PSEN2: variants seen among roughly 807,000 people sequenced by gnomAD.
PSEN2 encodes the protein presenilin 2.
In PSEN2, 32 loss-of-function variants were observed where a neutral mutation model predicts 49.1. The ratio of observed to expected loss-of-function variants is 0.65; its 90% confidence interval spans 0.49 to 0.88. The LOEUF is 0.88. Among genes scored for constraint, PSEN2 ranks in the 40% least tolerant of loss-of-function variants. The pLI, the probability that PSEN2 is intolerant of heterozygous loss-of-function variation, is 0.00. For synonymous variants in PSEN2, 255 were observed against 244.0 expected (o/e 1.05, Z -0.42); for missense variants, 522 against 586.9 (o/e 0.89, Z 1.14).
chr1:226,879,343 GTCTGAGGGTAC>G (rs1660832223), intron 3 of PSEN2, among the ~76,000 whole-genome samples: 1 of 152,208 alleles, frequency 6.6e-6, no homozygotes, highest in South Asian at 2.1e-4. Context: ...CTGGGGCCTA[GTCTGAGGGTAC>G]TCTGAGTGAA....
intron 12 of PSEN2, among the ~76,000 whole-genome samples, chr1:226,903,095 GT>G (rs1193117335): frequency 1.3e-5 from 2 of 150,776 alleles, no homozygotes; most frequent in African/African-American, 5.0e-5. Context: ...AAAACACTGA[GT>G]TTTTTTCTTT....
chr1:226,888,983 C>G lies in PSEN2; in HGVS notation c.721C>G (p.Leu241Val). ...CATCATGATCAGTGCGCTCATGGCC[C>G]TAGTGTTCATCAAGTACCTCCCAGA... ...YLIMISALMA[L>V]VFIKYLPEWS... The change falls in exon 8 of 13, where the codon CTA (leucine) becomes GTA (valine). Residue 241 changes from leucine (L) to valine (V), a missense_variant. Transcript: ENST00000366783. 1 of 1,614,176 alleles carries G rather than the reference C, an allele frequency of 6.2e-7. No homozygotes were observed. Among genetic ancestry groups the G allele is most frequent in the South Asian group, 1.1e-5 (1 of 91,082 alleles).
rs1800680 is a variant in PSEN2, at chr1:226,888,283, G to A, written c.566+125G>A. 125,869 of 891,880 alleles carry A rather than the reference G, an allele frequency of 0.14. 10,728 individuals carry two copies. Among genetic ancestry groups the A allele is most frequent in the Non-Finnish European group, 0.17 (93,094 of 547,876 alleles). The allele number at this position is 891,880 out of a possible 1,614,324, so 55.2% of individuals were successfully genotyped here. A position where few individuals can be genotyped will look rare whatever the true frequency, so the allele number is the denominator to read the frequency against. On this transcript the variant is annotated intron_variant, in intron 7 of 12. Transcript: ENST00000366783. ...GCTCCAGTCTTCCCCAGTGCCAGCC[G>A]TTTTGGGAACCCAGGCCTCCGTCGC...
chr1:226,902,616 G>A (rs1005657875), intron 12 of PSEN2, among the ~76,000 whole-genome samples: 9 of 152,254 alleles, frequency 5.9e-5, no homozygotes, highest in Non-Finnish European at 1.3e-4. Flanking sequence ...CAAGACAGAA[G>A]TTTCCCACCA....
Position 226,883,852 on chromosome 1 carries a change from CTG to C in PSEN2, c.292_293del (p.Cys98HisfsTer28). The C allele has an allele frequency of 6.2e-7, 1 of 1,613,666 alleles. No homozygotes were observed. Among genetic ancestry groups the C allele is most frequent in the South Asian group, 1.1e-5 (1 of 91,062 alleles). On this transcript the variant is annotated frameshift_variant, in exon 5 of 13. Transcript: ENST00000366783. LOFTEE classifies it high-confidence loss of function. Reference sequence around the variant, plus strand: ...GATCATGCTGTTTGTGCCTGTCACTCTGTGCATGATCGTGGTGGTAGCCACCA... The same window carrying C: ...GATCATGCTGTTTGTGCCTGTCACTCTGCATGATCGTGGTGGTAGCCACCA... ...HVIMLFVPVT[L>X]CMIVVVATIK... is the part of the protein sequence containing the mutation.
chr1:226,871,028 G>A (rs1279724303), intron 1 of PSEN2: 1 of 152,304 alleles, frequency 6.6e-6, no homozygotes, highest in Non-Finnish European at 1.5e-5. Flanking sequence ...GCATTTAAAG[G>A]AGCGGTGCAC....
intron 3 of PSEN2, among the ~76,000 whole-genome samples, chr1:226,877,394 A>G (rs1285311909): frequency 2.0e-5 from 3 of 152,218 alleles, no homozygotes; most frequent in Non-Finnish European, 2.9e-5. Context: ...GAAGAATAGT[A>G]GCACCTTGCT....
intron 8 of PSEN2, among the ~76,000 whole-genome samples, chr1:226,889,319 C>T (rs1368046627): frequency 6.6e-6 from 1 of 152,098 alleles, no homozygotes; most frequent in South Asian, 2.1e-4. Context: ...CTCTGTCGCC[C>T]AGGCTGGAGT....
At chr1:226,891,593 G>T (rs1322949205) in intron 10 of PSEN2, 150 bp from the exon 11 acceptor site, 7 of 808,978 alleles carry the variant, frequency 8.7e-6, no homozygotes, top group South Asian at 7.5e-5. Context: ...TGGGTGGAGT[G>T]GGGGAAGCCC....
chr1:226,892,745 T>A (rs1391645437), intron 11 of PSEN2, among the ~76,000 whole-genome samples: 1 of 151,972 alleles, frequency 6.6e-6, no homozygotes, highest in Non-Finnish European at 1.5e-5. Context: ...TTAGCACAGA[T>A]CCCACGGGGC....
At chr1:226,886,421 G>A (rs1661368585) in intron 6 of PSEN2, among the ~76,000 whole-genome samples, 1 of 152,166 alleles carries the variant, frequency 6.6e-6, no homozygotes. Flanking sequence ...GCCTATAGCT[G>A]CCGAGTAGCC....
At chr1:226,881,852 G>A (rs1661013418) in intron 3 of PSEN2, 36 bp from the exon 4 acceptor site, 2 of 1,613,838 alleles carry the variant, frequency 1.2e-6, no homozygotes, top group Admixed American at 1.7e-5. Context: ...TGTCTCACAG[G>A]AAAGTGGAAC....
Position 226,888,881 on chromosome 1 carries a change from ACTGT to A in PSEN2, c.623_626del (p.Val208GlyfsTer26). 6.2e-7 allele frequency: 1 copy of A among 1,614,166 alleles called. No individual in the cohort carries two copies. Among genetic ancestry groups the A allele is most frequent in the Non-Finnish European group, 8.5e-7 (1 of 1,180,036 alleles). On this transcript the variant is annotated frameshift_variant, in exon 8 of 13. Transcript: ENST00000366783. LOFTEE classifies it high-confidence loss of function. ...CATGGACTACCCCACCCTCTTGCTG[ACTGT>A]CTGGAACTTCGGGGCAGTGGGCATG... is the stretch of plus-strand genomic sequence containing the variant.
Position 226,891,319 on chromosome 1 carries a change from T to C in PSEN2, c.928T>C (p.Ser310Pro), listed in dbSNP as rs781436525. 53 of 1,613,816 alleles carry C rather than the reference T, an allele frequency of 3.3e-5. No individual in the cohort carries two copies. Among genetic ancestry groups the C allele is most frequent in the Non-Finnish European group, 4.1e-5 (48 of 1,179,952 alleles). The change falls in exon 10 of 13, where the codon TCC (serine) becomes CCC (proline). Residue 310 changes from serine to proline, a missense_variant. Coordinates refer to ENST00000366783, the MANE Select transcript of PSEN2 (RefSeq NM_000447.3). The part of the protein sequence containing the change: ...WTVGMAKLDP[S>P]SQGALQLPYD... ...GGTTGGCATGGCGAAGCTGGACCCC[T>C]CCTCTCAGGGTGCCCTCCAGCTCCC... is the stretch of plus-strand genomic sequence containing the variant.
intron 12 of PSEN2, 33 bp downstream of exon 12, chr1:226,894,158 T>C (rs1171737382): frequency 6.3e-7 from 1 of 1,577,012 alleles, no homozygotes; most frequent in East Asian, 2.2e-5. Flanking sequence ...AGCTGCCTCG[T>C]GGTGGGGGCC....
At chr1:226,900,886 G>A (rs1384276454), downstream of PSEN2, among the ~76,000 whole-genome samples, 1 of 152,140 alleles carries the variant, frequency 6.6e-6, no homozygotes, top group African/African-American at 2.4e-5. Context: ...CTTGTGCTAG[G>A]CTCGCACTAA....
At chr1:226,876,707 C>A (rs1184494832) in intron 3 of PSEN2, among the ~76,000 whole-genome samples, 1 of 152,170 alleles carries the variant, frequency 6.6e-6, no homozygotes, top group Non-Finnish European at 1.5e-5. Flanking sequence ...TTAAATTTAA[C>A]AGCGTGTCAT....
In PSEN2 at chr1:226,893,994, TCTC is replaced by T. The variant is rs1179676003; in HGVS notation, c.1073-9_1073-7del. The T allele has an allele frequency of 4.4e-6, 7 of 1,602,984 alleles. No homozygotes were observed. Among genetic ancestry groups the T allele is most frequent in the Non-Finnish European group, 5.1e-6 (6 of 1,169,918 alleles). On this transcript the variant is annotated splice_polypyrimidine_tract_variant and intron_variant, in intron 11 of 12. Coordinates refer to ENST00000366783, the MANE Select transcript of PSEN2 (RefSeq NM_000447.3). The stretch of plus-strand genomic sequence containing the variant: ...CGCCTCTTCAGTACGGGTTACTGTC[TCTC>T]CTCACACAGGGGGCGTGAAGCTTGG...
intron 7 of PSEN2, among the ~76,000 whole-genome samples, chr1:226,888,522 C>T (rs1800681): frequency 6.6e-6 from 1 of 152,078 alleles, no homozygotes; most frequent in Admixed American, 6.5e-5. Flanking sequence ...TCTATCGCCC[C>T]TTGATTTGGG....
Sources: gnomAD v4.1 joint callset for allele counts (sites outside exome capture counted in the v4.1 genomes callset) on GRCh38, gnomAD v4.1.1 for gene constraint, MANE v1.5 for transcripts, NCBI Gene and HGNC (gene_info 2026-07-23, HGNC 2026-07-21) for gene names.